The following PHF14 variants were observed in gnomAD, a reference collection of about 807,000 sequenced individuals.
The protein encoded by PHF14 is PHD finger protein 14.
A neutral mutation model predicts 117.9 loss-of-function variants in PHF14; 55 were observed. The observed-to-expected ratio is 0.47, with a 90% CI of 0.38 to 0.58. PHF14 has a LOEUF of 0.58. Among genes scored for constraint, PHF14 ranks in the 20% least tolerant of loss-of-function variants. The pLI, the probability that PHF14 is intolerant of heterozygous loss-of-function variation, is 0.00. For missense variants in PHF14, 978 were observed against 1,122.2 expected (o/e 0.87, Z 1.84); for synonymous variants, 409 against 368.6 (o/e 1.11, Z -1.26).
intron 14 of PHF14, among the ~76,000 whole-genome samples, chr7:11,059,164 T>G (rs1785120628): frequency 6.6e-6 from 1 of 152,164 alleles, no homozygotes; most frequent in Non-Finnish European, 1.5e-5. Context: ...TGATGCTAAT[T>G]GCAATCTGGT....
intron 17 of PHF14, among the ~76,000 whole-genome samples, chr7:11,151,537 C>T (rs185757124): frequency 9.9e-5 from 15 of 152,184 alleles, no homozygotes; most frequent in South Asian, 2.1e-4. Context: ...CCAGCCTGGG[C>T]GACAGCAAGA....
intron 17 of PHF14, among the ~76,000 whole-genome samples, chr7:11,126,549 T>C (rs780892125): frequency 2.0e-5 from 3 of 152,072 alleles, no homozygotes; most frequent in Non-Finnish European, 4.4e-5. Context: ...GAAATAAACT[T>C]TCTCTCTTCG....
chr7:11,029,829 GTAA>G (rs968830958), intron 7 of PHF14, among the ~76,000 whole-genome samples: 6 of 151,940 alleles, frequency 3.9e-5, no homozygotes, highest in African/African-American at 1.2e-4. Context: ...TGGCTTTATG[GTAA>G]TAGTCTAAGC....
chr7:11,002,591 G>A (rs544771719), intron 4 of PHF14, among the ~76,000 whole-genome samples: 4 of 151,912 alleles, frequency 2.6e-5, no homozygotes, highest in African/African-American at 7.2e-5. Flanking sequence ...AGGCATATGC[G>A]CCACCACGCC....
intron 8 of PHF14, 121 bp from the exon 9 acceptor site, chr7:11,036,297 C>A: frequency 1.2e-6 from 1 of 838,638 alleles, no homozygotes; most frequent in Non-Finnish European, 1.9e-6. Flanking sequence ...CTATAATTTG[C>A]TTTGGTGTGA....
chr7:11,025,051 A>G (rs1179787258), intron 6 of PHF14, among the ~76,000 whole-genome samples: 1 of 152,218 alleles, frequency 6.6e-6, no homozygotes, highest in East Asian at 1.9e-4. Context: ...CCATATTAAC[A>G]GGAGTTTGGA....
intron 16 of PHF14, among the ~76,000 whole-genome samples, chr7:11,087,146 A>G (rs1369521548): frequency 2.0e-5 from 3 of 151,706 alleles, no homozygotes; most frequent in African/African-American, 4.8e-5. Flanking sequence ...AGAACTCCTA[A>G]TTTAGCTTCC....
intron 17 of PHF14, 114 bp from the exon 18 acceptor site, chr7:11,169,302 A>T (rs1789298081): frequency 7.8e-6 from 4 of 510,408 alleles, no homozygotes; most frequent in Non-Finnish European, 1.4e-5. Flanking sequence ...TGTGTTTAGG[A>T]TTATTAGAAT....
intron 16 of PHF14, among the ~76,000 whole-genome samples, chr7:11,075,973 A>G (rs1785834328): frequency 6.6e-6 from 1 of 152,084 alleles, no homozygotes; most frequent in East Asian, 1.9e-4. Flanking sequence ...CTACCAAAAA[A>G]AATAAAAAAG....
At chr7:11,107,572 A>G (rs974941473) in intron 16 of PHF14, 15 of 846,600 alleles carry the variant, frequency 1.8e-5, no homozygotes, top group Non-Finnish European at 2.0e-5. Flanking sequence ...TTCTTTAAGC[A>G]TCCAGTTTTT....
intron 16 of PHF14, among the ~76,000 whole-genome samples, chr7:11,075,281 T>A (rs1785790300): frequency 6.6e-6 from 1 of 152,006 alleles, no homozygotes; most frequent in African/African-American, 2.4e-5. Context: ...TTGGTACCAA[T>A]TTTCTCTGTT....
In PHF14 at chr7:10,986,148, AT is replaced by A. The variant is rs111598592; in HGVS notation, c.900+3005del. Among the ~76,000 whole-genome samples, 735 of 128,952 alleles carry A rather than the reference AT, an allele frequency of 5.7e-3. 1 individual carries two copies. Among genetic ancestry groups the A allele is most frequent in the African/African-American group, 0.014 (500 of 35,030 alleles). 84.6% of individuals were successfully genotyped at this position (128,952 alleles called of 152,430 possible). ...CGACTGGCTAATGCTTTTATTTTTG[AT>A]TTTTTTTTTTTTTTTGTAGAGATGG... On this transcript the variant is annotated intron_variant, in intron 3 of 17. Coordinates refer to ENST00000634607, the MANE Select transcript of PHF14 (RefSeq NM_001007157.2).
rs993481506 is a variant in PHF14 at position 11,005,016 on chromosome 7, C to CA, written c.1046-8721dup. Among the ~76,000 whole-genome samples, 216 of 145,806 alleles carry CA rather than the reference C, an allele frequency of 1.5e-3. 1 individual carries two copies. Among genetic ancestry groups the CA allele is most frequent in the Middle Eastern group, 3.6e-3 (1 of 280 alleles). ...TGGGCAATAGAGCGAGATTCCGTCT[C>CA]AAAAAAAAAATGTATAATGTCAATT... On this transcript the variant is annotated intron_variant, in intron 4 of 17. Transcript: ENST00000634607.
chr7:11,085,332 T>C (rs1191712259), intron 16 of PHF14, among the ~76,000 whole-genome samples: 1 of 152,210 alleles, frequency 6.6e-6, no homozygotes, highest in Non-Finnish European at 1.5e-5. Flanking sequence ...TTTAAAACAA[T>C]TTATTAGTTT....
At chr7:11,033,321 C>A (rs1784190051) in intron 7 of PHF14, among the ~76,000 whole-genome samples, 1 of 152,142 alleles carries the variant, frequency 6.6e-6, no homozygotes, top group African/African-American at 2.4e-5. Flanking sequence ...GGATCAGTTC[C>A]CTTCTTTCTT....
At chr7:11,165,060 G>A (rs955063394) in intron 17 of PHF14, among the ~76,000 whole-genome samples, 1 of 152,164 alleles carries the variant, frequency 6.6e-6, no homozygotes, top group African/African-American at 2.4e-5. Flanking sequence ...GAGTAGCTGG[G>A]ACTATAGGCG....
At chr7:11,087,202 T>A (rs1399807045) in intron 16 of PHF14, among the ~76,000 whole-genome samples, 1 of 151,660 alleles carries the variant, frequency 6.6e-6, no homozygotes, top group African/African-American at 2.4e-5. Flanking sequence ...TCTTTCTTTT[T>A]TTTTGTTAAG....
intron 16 of PHF14, among the ~76,000 whole-genome samples, chr7:11,087,752 T>G (rs1260809143): frequency 6.6e-6 from 1 of 152,222 alleles, no homozygotes; most frequent in Non-Finnish European, 1.5e-5. Flanking sequence ...GTGGTGTGTG[T>G]GTGATACATA....
intron 14 of PHF14, among the ~76,000 whole-genome samples, chr7:11,060,825 A>G (rs566604640): frequency 7.3e-4 from 111 of 152,256 alleles, no homozygotes; most frequent in Non-Finnish European, 1.3e-3. Context: ...ACTTTTTTTG[A>G]ATGACTAATT....
Sources: allele counts gnomAD v4.1 joint callset (sites outside exome capture counted in the v4.1 genomes callset), GRCh38; gene constraint gnomAD v4.1.1; transcripts MANE v1.5; gene names NCBI Gene and HGNC (gene_info 2026-07-23, HGNC 2026-07-21).